Variants in ARFIP1 observed in about 807,000 individuals in gnomAD.
The protein encoded by ARFIP1 is arfaptin-1.
A neutral mutation model predicts 42.5 loss-of-function variants in ARFIP1; 24 were observed. The ratio of observed to expected loss-of-function variants is 0.57; its 90% CI spans 0.41 to 0.80. ARFIP1 has a LOEUF of 0.80. ARFIP1 is among the 30% of genes least tolerant of loss of function. The pLI, the probability that ARFIP1 is intolerant of heterozygous loss-of-function variation, is 0.00. For synonymous variants in ARFIP1, 141 were observed against 153.7 expected (o/e 0.92, Z 0.61); for missense variants, 354 against 434.0 (o/e 0.82, Z 1.64).
intron 8 of ARFIP1, among the ~76,000 whole-genome samples, chr4:152,902,483 CAG>C (rs1223023180): frequency 6.6e-6 from 1 of 152,028 alleles, no homozygotes; most frequent in Non-Finnish European, 1.5e-5. Context: ...GCTTGGGCAA[CAG>C]AGTGAGACCC....
rs1486888069 is a variant in ARFIP1, at chr4:152,911,127, T to C, written c.*908T>C. ...CCGTTTAAGCCTTAAATCACAGATA[T>C]GTGCCTTCTCAGATACAGTAATTCT... On this transcript the variant is annotated 3_prime_UTR_variant, in exon 9 of 9. Coordinates refer to ENST00000353617, the MANE Select transcript of ARFIP1 (RefSeq NM_001025595.3). The C allele has an allele frequency of 3.9e-5, 6 of 152,660 alleles. No homozygotes were observed. The highest frequency in any genetic ancestry group is 7.3e-5 in the Non-Finnish European group (5 of 68,032). The allele number at this position is 152,660 out of a possible 1,614,324, so 9.5% of individuals were successfully genotyped here.
chr4:152,863,748 A>G (rs1424046631), intron 3 of ARFIP1, 34 bp downstream of exon 3: 2 of 1,424,684 alleles, frequency 1.4e-6, no homozygotes, highest in African/African-American at 2.8e-5. Context: ...GATGGCTGGG[A>G]TAGAGGATGG....
intron 2 of ARFIP1, among the ~76,000 whole-genome samples, chr4:152,857,734 C>T (rs1733556334): frequency 1.3e-5 from 2 of 152,310 alleles, no homozygotes; most frequent in South Asian, 4.1e-4. Flanking sequence ...TCTGAAGTGG[C>T]AACCTTTATC....
intron 1 of ARFIP1, among the ~76,000 whole-genome samples, chr4:152,828,858 G>A (rs1227054958): frequency 6.6e-6 from 1 of 152,134 alleles, no homozygotes; most frequent in Non-Finnish European, 1.5e-5. Context: ...TTTGCATTTT[G>A]CACTTAGGTC....
At chr4:152,859,265 T>C (rs761922469) in intron 2 of ARFIP1, among the ~76,000 whole-genome samples, 12 of 152,194 alleles carry the variant, frequency 7.9e-5, no homozygotes, top group African/African-American at 1.4e-4. Context: ...TTTTGCCATG[T>C]TGCCTAGGCT....
chr4:152,791,729 A>AC (rs1355079507), intron 1 of ARFIP1, among the ~76,000 whole-genome samples: 2 of 152,202 alleles, frequency 1.3e-5, no homozygotes, highest in Non-Finnish European at 2.9e-5. Flanking sequence ...AATAAGTATG[A>AC]CCACCAGCTG....
At chr4:152,892,982 G>T (rs932836822) in intron 8 of ARFIP1, among the ~76,000 whole-genome samples, 1 of 152,138 alleles carries the variant, frequency 6.6e-6, no homozygotes, top group Non-Finnish European at 1.5e-5. Flanking sequence ...GTGACTTAAG[G>T]CAGTTTGTTT....
intron 8 of ARFIP1, among the ~76,000 whole-genome samples, chr4:152,909,150 T>G (rs111271498): frequency 6.6e-6 from 1 of 152,224 alleles, no homozygotes; most frequent in African/African-American, 2.4e-5. Flanking sequence ...TTTGGGAGGC[T>G]GAGGCAGGCA....
chr4:152,826,257 G>T (rs1414528237), intron 1 of ARFIP1, among the ~76,000 whole-genome samples: 2 of 152,172 alleles, frequency 1.3e-5, no homozygotes, highest in Non-Finnish European at 2.9e-5. Context: ...AGAAAATGGG[G>T]TTTATATATA....
At chr4:152,838,490 T>C (rs898602820) in intron 2 of ARFIP1, among the ~76,000 whole-genome samples, 4 of 152,212 alleles carry the variant, frequency 2.6e-5, no homozygotes, top group African/African-American at 9.6e-5. Context: ...GTCTTTTGAC[T>C]CCTTCATTAA....
chr4:152,841,596 G>A (rs1732081079), intron 2 of ARFIP1, among the ~76,000 whole-genome samples: 1 of 151,962 alleles, frequency 6.6e-6, no homozygotes, highest in African/African-American at 2.4e-5. Context: ...GGTAATGGCT[G>A]ATTCTCTCAG....
At chr4:152,847,132 T>TTTTTTTTTTTTTTTTTG (rs1732614579) in intron 2 of ARFIP1, among the ~76,000 whole-genome samples, 1 of 110,690 alleles carries the variant, frequency 9.0e-6, no homozygotes, top group Non-Finnish European at 1.9e-5. Flanking sequence ...TTCTTTTTTT[T>TTTTTTTTTTTTTTTTTG]TTTTTTTTTT....
intron 5 of ARFIP1, among the ~76,000 whole-genome samples, chr4:152,878,940 T>A (rs1036740780): frequency 1.3e-5 from 2 of 152,216 alleles, no homozygotes; most frequent in Non-Finnish European, 2.9e-5. Flanking sequence ...AAGAAAAATA[T>A]GGGAATAAGT....
intron 8 of ARFIP1, among the ~76,000 whole-genome samples, chr4:152,894,227 GA>G (rs1023481705): frequency 6.8e-6 from 1 of 148,034 alleles, no homozygotes; most frequent in Non-Finnish European, 1.5e-5. Context: ...AAAAAAGAAA[GA>G]AAAAAATGCT....
chr4:152,894,553 T>A (rs1561178162), intron 8 of ARFIP1, among the ~76,000 whole-genome samples: 2 of 152,174 alleles, frequency 1.3e-5, no homozygotes, highest in Admixed American at 1.3e-4. Flanking sequence ...CAGTAGTACT[T>A]CTTGGTGTGT....
At chr4:152,905,024 G>A (rs2149913265) in intron 8 of ARFIP1, among the ~76,000 whole-genome samples, 1 of 152,306 alleles carries the variant, frequency 6.6e-6, no homozygotes, top group Admixed American at 6.5e-5. Flanking sequence ...CAGTATAAAA[G>A]TGTTCCTATT....
chr4:152,853,448 G>A (rs549717442), intron 2 of ARFIP1, among the ~76,000 whole-genome samples: 1 of 152,220 alleles, frequency 6.6e-6, no homozygotes, highest in African/African-American at 2.4e-5. Context: ...ATCCTTGGCT[G>A]GACAGTTTTT....
At chr4:152,904,906 A>G (rs1738177994) in intron 8 of ARFIP1, among the ~76,000 whole-genome samples, 3 of 152,178 alleles carry the variant, frequency 2.0e-5, no homozygotes, top group Admixed American at 2.0e-4. Flanking sequence ...GGGGGGGTAT[A>G]TACCCAGTAA....
chr4:152,851,502 GA>G (rs1732977944), intron 2 of ARFIP1, among the ~76,000 whole-genome samples: 1 of 152,204 alleles, frequency 6.6e-6, no homozygotes, highest in South Asian at 2.1e-4. Flanking sequence ...AGGCTAGAGA[GA>G]TAAGTAGATA....
Sources: allele counts gnomAD v4.1 joint callset (sites outside exome capture counted in the v4.1 genomes callset), GRCh38; gene constraint gnomAD v4.1.1; transcripts MANE v1.5; gene names NCBI Gene and HGNC (gene_info 2026-07-23, HGNC 2026-07-21).